DHTKD1: variants seen among roughly 807,000 people sequenced by gnomAD.
The protein encoded by DHTKD1 is 2-oxoadipate dehydrogenase complex component E1.
In DHTKD1, 78 loss-of-function variants were observed where a neutral mutation model predicts 101.8. That is an observed-to-expected ratio of 0.77 (90% CI 0.64 to 0.93). The LOEUF (loss-of-function observed/expected upper bound fraction) is 0.93. DHTKD1 is among the 40% of genes least tolerant of loss of function. The pLI, the probability that DHTKD1 is intolerant of heterozygous loss-of-function variation, is 0.00. For missense variants in DHTKD1, 1,223 were observed against 1,161.7 expected, an observed-to-expected ratio of 1.05 and a Z score of -0.77; for synonymous variants, 462 against 450.3, an observed-to-expected ratio of 1.03 and a Z score of -0.33.
In DHTKD1 at chr10:12,121,134, C is replaced by T. The variant is rs1588622132; in HGVS notation, c.*246C>T. ...TCCTGGGAGGCTGAGGCAAGAGAAT[C>T]GCTTGAATCTGGGAGGCGGAGGTTG... On this transcript the variant is annotated 3_prime_UTR_variant, in exon 17 of 17. Transcript: ENST00000263035. 5 of 371,116 alleles carry T rather than the reference C, an allele frequency of 1.3e-5. No homozygotes were observed. Among genetic ancestry groups the T allele is most frequent in the East Asian group, 1.3e-4 (2 of 15,332 alleles). 23.0% of individuals were successfully genotyped at this position (371,116 alleles called of 1,614,324 possible).
At chr10:12,108,041 A>T in intron 12 of DHTKD1, 26 bp downstream of exon 12, 1 of 1,562,566 alleles carries the variant, frequency 6.4e-7, no homozygotes, top group Non-Finnish European at 8.8e-7. Context: ...TCCGGAGTCA[A>T]TGAATCATTT....
chr10:12,099,268 A>G (rs1301529354), intron 8 of DHTKD1, among the ~76,000 whole-genome samples: 1 of 152,090 alleles, frequency 6.6e-6, no homozygotes, highest in Non-Finnish European at 1.5e-5. Flanking sequence ...ATATGTACTC[A>G]TCACTCAGCT....
intron 3 of DHTKD1, among the ~76,000 whole-genome samples, chr10:12,086,575 G>A (rs185042233): frequency 1.3e-5 from 2 of 151,922 alleles, no homozygotes; most frequent in Admixed American, 6.6e-5. Flanking sequence ...TGCCCACCTC[G>A]GCCTCCCAAA....
intron 12 of DHTKD1, among the ~76,000 whole-genome samples, chr10:12,109,440 G>T (rs1833296273): frequency 6.6e-6 from 1 of 151,128 alleles, no homozygotes; most frequent in South Asian, 2.1e-4. Context: ...AGTAGGTGGG[G>T]GATACAGTTT....
chr10:12,073,826 TG>T (rs2131346036), intron 1 of DHTKD1, among the ~76,000 whole-genome samples: 1 of 152,290 alleles, frequency 6.6e-6, no homozygotes, highest in Non-Finnish European at 1.5e-5. Context: ...ACTCTAAGTT[TG>T]AGGGCTCTGA....
At chr10:12,115,622 T>C (rs572631450) in intron 13 of DHTKD1, among the ~76,000 whole-genome samples, 1 of 152,294 alleles carries the variant, frequency 6.6e-6, no homozygotes, top group African/African-American at 2.4e-5. Context: ...AGTTCACTTA[T>C]AGTGGTCTAC....
intron 1 of DHTKD1, among the ~76,000 whole-genome samples, chr10:12,072,738 C>T (rs183078990): frequency 2.0e-5 from 3 of 150,616 alleles, no homozygotes; most frequent in South Asian, 2.1e-4. Flanking sequence ...GGGTGTTCTT[C>T]CTTTTTTTTT....
chr10:12,102,789 C>T (rs1275639812), intron 10 of DHTKD1, among the ~76,000 whole-genome samples: 2 of 152,186 alleles, frequency 1.3e-5, no homozygotes, highest in South Asian at 2.1e-4. Context: ...AGTGCAGTGG[C>T]GTGATCTAGG....
At chr10:12,076,995 A>G (rs10906063) in intron 1 of DHTKD1, among the ~76,000 whole-genome samples, 39 of 128,086 alleles carry the variant, frequency 3.0e-4, no homozygotes, top group South Asian at 2.4e-3. Flanking sequence ...AAAAAAAAAA[A>G]GGAAGAAAAA....
chr10:12,099,583 G>C (rs1165813879), intron 8 of DHTKD1, among the ~76,000 whole-genome samples: 1 of 152,054 alleles, frequency 6.6e-6, no homozygotes, highest in Non-Finnish European at 1.5e-5. Context: ...AGCTACTTAG[G>C]AGGCTGAGGC....
At position 12,107,914 on chromosome 10, in the gene DHTKD1, GCCAAGTGGCTC is replaced by G. The variant is rs1159648789; in HGVS notation, c.2055_2065del (p.Lys686ThrfsTer32). On this transcript the variant is annotated frameshift_variant, in exon 12 of 17. Transcript: ENST00000263035. LOFTEE classifies it high-confidence loss of function. The surrounding 1 kb of genome is among the most constrained non-coding windows in gnomAD (Gnocchi z 4.1). ...CCCACGTGGTACTTTTCCAGGAGAGGCCAAGTGGCTCCTACAAAGCGGCATCGTCATCCTCC... is the reference window on the plus strand; with the variant it reads ...CCCACGTGGTACTTTTCCAGGAGAGGCTACAAAGCGGCATCGTCATCCTCC... 3.1e-6 allele frequency: 5 copies of G among 1,612,154 alleles called. No individual in the cohort carries two copies. The highest frequency in any genetic ancestry group is 4.2e-6 in the Non-Finnish European group (5 of 1,178,446).
chr10:12,090,985 C>A lies in DHTKD1; in HGVS notation c.988-528C>A, dbSNP rs181995182. ...AGGAGAATGGCGTGAACCCCGGAGG[C>A]GGAGCTTGCAGTGAGCCGAGATTGC... On this transcript the variant is annotated intron_variant, in intron 5 of 16. Transcript: ENST00000263035. Among the ~76,000 whole-genome samples the A allele has an allele frequency of 3.7e-3, 564 of 151,984 alleles. 4 individuals are homozygous for A. The highest frequency in any genetic ancestry group is 0.013 in the African/African-American group (537 of 41,464).
At position 12,070,178 on chromosome 10, in the gene DHTKD1, T is replaced by A. The variant is rs527575472; in HGVS notation, c.154+991T>A. Among the ~76,000 whole-genome samples, 4 of 152,306 alleles carry A rather than the reference T, an allele frequency of 2.6e-5. No homozygotes were observed. The South Asian group carries it at 6.2e-4, about 24-fold the overall frequency. The stretch of plus-strand genomic sequence containing the variant: ...ATATGTGCTGGTGGTTTTAATGAAT[T>A]AACAGTCATGAATATCAGCTTTTGG... On this transcript the variant is annotated intron_variant, in intron 1 of 16. Transcript: ENST00000263035.
Position 12,081,348 on chromosome 10 carries a change from AAAATAAAT to A in DHTKD1, c.155-112_155-105del, listed in dbSNP as rs569112793. ...GGCAATAGAGCAAGACCCTGTCTCTAAAATAAATAAATAAATAAAAAGTAAGGTGTCTA... is the reference window on the plus strand; with the variant it reads ...GGCAATAGAGCAAGACCCTGTCTCTAAAATAAATAAAAAGTAAGGTGTCTA... On this transcript the variant is annotated intron_variant, in intron 1 of 16. Coordinates refer to ENST00000263035, the MANE Select transcript of DHTKD1 (RefSeq NM_018706.7). The A allele has an allele frequency of 7.5e-3, 5,640 of 747,432 alleles. 36 individuals are homozygous for A. The highest frequency in any genetic ancestry group is 0.015 in the Middle Eastern group (54 of 3,524). 46.3% of individuals were successfully genotyped at this position (747,432 alleles called of 1,614,324 possible). A position where few individuals can be genotyped will look rare whatever the true frequency, so the allele number is the denominator to read the frequency against.
chr10:12,101,014 C>A (rs759372987), intron 9 of DHTKD1, 28 bp from the exon 10 acceptor site: 2 of 1,611,864 alleles, frequency 1.2e-6, no homozygotes, highest in East Asian at 4.5e-5. Context: ...TTATGGGAAT[C>A]TGACTTTTTT....
chr10:12,106,397 G>T lies in DHTKD1; in HGVS notation c.2047+1G>T, dbSNP rs1255401448. Reference sequence around the variant, plus strand: ...ATCTTTGACACATTCATCTCTGGAGGTTGGTGTCAGCGTATAGGGTGGGTA... The same window carrying T: ...ATCTTTGACACATTCATCTCTGGAGTTTGGTGTCAGCGTATAGGGTGGGTA... On this transcript the variant is annotated splice_donor_variant, in intron 11 of 16. Coordinates refer to ENST00000263035, the MANE Select transcript of DHTKD1 (RefSeq NM_018706.7). LOFTEE classifies it high-confidence loss of function. 1 of 1,614,068 alleles carries T rather than the reference G, an allele frequency of 6.2e-7. No individual in the cohort carries two copies. The highest frequency in any genetic ancestry group is 8.5e-7 in the Non-Finnish European group (1 of 1,180,036).
chr10:12,109,803 AAAAT>A (rs553406832), intron 12 of DHTKD1, among the ~76,000 whole-genome samples: 5 of 151,984 alleles, frequency 3.3e-5, no homozygotes, highest in Non-Finnish European at 7.4e-5. Context: ...GTCTCTACTA[AAAAT>A]AAATAAATAA....
intron 1 of DHTKD1, among the ~76,000 whole-genome samples, chr10:12,070,778 C>T (rs999195026): frequency 4.6e-5 from 7 of 152,192 alleles, no homozygotes; most frequent in Admixed American, 2.0e-4. Flanking sequence ...CATGAGCCAC[C>T]GTGCCTGGCC....
rs1554793012 is a variant in DHTKD1, at chr10:12,100,288, T to TTTTTTC, written c.1756+31_1756+32insCTTTTT. The TTTTTTC allele has an allele frequency of 2.6e-4, 180 of 698,694 alleles. 1 individual carries two copies. Among genetic ancestry groups the TTTTTTC allele is most frequent in the African/African-American group, 1.5e-3 (50 of 32,720 alleles). 43.3% of individuals were successfully genotyped at this position (698,694 alleles called of 1,614,324 possible). ...GTAAGAATTTTCTTTTTTTTTTCTG[T>TTTTTTC]TTTTTTTTTTTTTGAGTCTCACCCT... On this transcript the variant is annotated intron_variant, in intron 9 of 16. Coordinates refer to ENST00000263035, the MANE Select transcript of DHTKD1 (RefSeq NM_018706.7).
Sources: gnomAD v4.1 joint callset for allele counts (sites outside exome capture counted in the v4.1 genomes callset) on GRCh38, gnomAD v4.1.1 for gene constraint, Gnocchi (gnomAD v3.1) non-coding constraint, MANE v1.5 for transcripts, NCBI Gene and HGNC (gene_info 2026-07-23, HGNC 2026-07-21) for gene names.